The following PHACTR3 variants were observed in gnomAD, a reference collection of about 807,000 sequenced individuals.
PHACTR3 encodes the protein protein phosphatase 1, regulatory subunit 123.
In PHACTR3, 16 loss-of-function variants were observed where a neutral mutation model predicts 66.8. The ratio of observed to expected loss-of-function variants is 0.24; its 90% CI spans 0.16 to 0.36. The LOEUF (loss-of-function observed/expected upper bound fraction) is 0.36, where lower values mean the gene tolerates loss of function less well. Among genes scored for constraint, PHACTR3 ranks in the 10% least tolerant of loss-of-function variants. PHACTR3 has a pLI of 1.00. For synonymous variants in PHACTR3, 323 were observed against 292.1 expected (o/e 1.11, Z -1.08); for missense variants, 647 against 719.9 (o/e 0.90, Z 1.16).
chr20:59,626,879 C>G (rs1004562050), intron 1 of PHACTR3: 3 of 152,222 alleles, frequency 2.0e-5, no homozygotes, highest in African/African-American at 7.2e-5. Flanking sequence ...TGGCTTCAAT[C>G]AACCAGCATG....
At chr20:59,818,513 CAT>C (rs1010980095) in intron 8 of PHACTR3, among the ~76,000 whole-genome samples, 2 of 152,204 alleles carry the variant, frequency 1.3e-5, no homozygotes, top group African/African-American at 2.4e-5. Flanking sequence ...CCAACATACT[CAT>C]AGAGTTGTAT....
rs566452544 is a variant in PHACTR3 at position 59,608,331 on chromosome 20, C to T, written c.118+3199C>T. ...TTCACCACTGCTTCGTTAATGGGCC[C>T]GTCTGTATCTACACAATGTGCCTCT... On this transcript the variant is annotated intron_variant, in intron 1 of 12. Transcript: ENST00000371015. 2.6e-5 allele frequency among the ~76,000 whole-genome samples: 4 copies of T among 152,312 alleles called. No homozygotes were observed. In the South Asian group the frequency reaches 6.2e-4, roughly 24 times the overall value.
At chr20:59,626,842 G>A (rs1240125066) in intron 1 of PHACTR3, 1 of 152,182 alleles carries the variant, frequency 6.6e-6, no homozygotes, top group African/African-American at 2.4e-5. Flanking sequence ...CAATTCCTTG[G>A]ACCAGCTCTG....
intron 4 of PHACTR3, among the ~76,000 whole-genome samples, chr20:59,766,423 G>A (rs1383792916): frequency 2.0e-5 from 3 of 152,172 alleles, no homozygotes; most frequent in Admixed American, 6.5e-5. Flanking sequence ...CTGTTGGTCC[G>A]ATTGTTGTTG....
chr20:59,721,099 C>T (rs766056343), intron 1 of PHACTR3: 4 of 152,240 alleles, frequency 2.6e-5, no homozygotes, highest in Non-Finnish European at 4.4e-5. Flanking sequence ...TTAATTCTTA[C>T]AGCCACTATT....
chr20:59,708,734 G>A (rs1341039031), intron 1 of PHACTR3, among the ~76,000 whole-genome samples: 1 of 152,122 alleles, frequency 6.6e-6, no homozygotes, highest in Admixed American at 6.5e-5. Flanking sequence ...TTTGGACATG[G>A]CTCTTCTTTA....
chr20:59,780,601 T>C (rs577741587), intron 7 of PHACTR3, among the ~76,000 whole-genome samples: 1 of 152,146 alleles, frequency 6.6e-6, no homozygotes, highest in South Asian at 2.1e-4. Flanking sequence ...TACCATCACA[T>C]TGGGGTTAGG....
At chr20:59,623,184 C>T (rs553671463) in intron 1 of PHACTR3, among the ~76,000 whole-genome samples, 25 of 151,900 alleles carry the variant, frequency 1.6e-4, no homozygotes, top group Admixed American at 3.3e-4. Flanking sequence ...AGAACGCGCG[C>T]ATGTTGAAAA....
At position 59,597,599 on chromosome 20, in the gene PHACTR3, G is replaced by A. The variant is rs574926801; in HGVS notation, c.109+19982G>A. On this transcript the variant is annotated intron_variant, in intron 1 of 12. Coordinates refer to the PHACTR3 transcript ENST00000359926. ...CCTGATTTGGGTAGTTTCAGCCTTA[G>A]CCATGGCAATCATTGTAAAGTTTTT... Among the ~76,000 whole-genome samples, 9 of 152,334 alleles carry A rather than the reference G, an allele frequency of 5.9e-5. No individual in the cohort carries two copies. The South Asian group carries it at 1.7e-3, about 28-fold the overall frequency.
chr20:59,766,219 A>G (rs957148586), intron 4 of PHACTR3, among the ~76,000 whole-genome samples: 3 of 152,218 alleles, frequency 2.0e-5, no homozygotes, highest in Non-Finnish European at 2.9e-5. Context: ...TTGAGCAGTC[A>G]TGCAGAGCAC....
rs573692219 is a variant in PHACTR3, at chr20:59,651,045, G to T, written c.118+45913G>T. On this transcript the variant is annotated intron_variant, in intron 1 of 12. Coordinates refer to ENST00000371015, the MANE Select transcript of PHACTR3 (RefSeq NM_080672.5). Reference sequence around the variant, plus strand: ...TTGAATGCATGAATGTTGTGTGTGTGTGTGTTGAAACTGTTAAAAAAAAAT... The same window carrying T: ...TTGAATGCATGAATGTTGTGTGTGTTTGTGTTGAAACTGTTAAAAAAAAAT... Among the ~76,000 whole-genome samples the T allele has an allele frequency of 2.5e-3, 379 of 152,204 alleles. 3 individuals are homozygous for T. Among genetic ancestry groups the T allele is most frequent in the Non-Finnish European group, 3.9e-3 (266 of 68,022 alleles).
chr20:59,767,705 A>T (rs2040227451), intron 5 of PHACTR3, among the ~76,000 whole-genome samples: 1 of 152,022 alleles, frequency 6.6e-6, no homozygotes, highest in African/African-American at 2.4e-5. Flanking sequence ...CAAAGGGGGG[A>T]TCTTCCAGGA....
intron 1 of PHACTR3, among the ~76,000 whole-genome samples, chr20:59,607,811 CA>C (rs996288375): frequency 3.9e-5 from 6 of 152,180 alleles, no homozygotes; most frequent in Non-Finnish European, 4.4e-5. Flanking sequence ...TCCCTTTTAA[CA>C]CCCACACAGG....
At chr20:59,819,985 G>A (rs1369262914) in intron 8 of PHACTR3, among the ~76,000 whole-genome samples, 1 of 151,948 alleles carries the variant, frequency 6.6e-6, no homozygotes, top group Non-Finnish European at 1.5e-5. Context: ...TCCTTTTTTT[G>A]ATGCTGCAGA....
intron 1 of PHACTR3, among the ~76,000 whole-genome samples, chr20:59,616,767 T>C (rs2034040017): frequency 6.6e-6 from 1 of 152,230 alleles, no homozygotes; most frequent in Admixed American, 6.5e-5. Context: ...TGGTTAGTTC[T>C]TTCCCCTAAT....
At chr20:59,629,022 C>A (rs773623851) in intron 1 of PHACTR3, among the ~76,000 whole-genome samples, 3 of 152,210 alleles carry the variant, frequency 2.0e-5, no homozygotes, top group Non-Finnish European at 2.9e-5. Context: ...TTAGCGAATT[C>A]CACCAGGTTT....
At chr20:59,688,532 T>C (rs1423817478) in intron 1 of PHACTR3, among the ~76,000 whole-genome samples, 1 of 152,212 alleles carries the variant, frequency 6.6e-6, no homozygotes, top group African/African-American at 2.4e-5. Flanking sequence ...CTCTCTTCAC[T>C]GGAGTTGCTA....
intron 4 of PHACTR3, 134 bp from the exon 5 acceptor site, chr20:59,767,052 A>C: frequency 1.3e-6 from 1 of 764,002 alleles, no homozygotes; most frequent in Admixed American, 2.6e-5. Context: ...GCAGGAAGTC[A>C]AGTGCCTGTG....
chr20:59,808,738 T>C (rs2041643370), intron 8 of PHACTR3, among the ~76,000 whole-genome samples: 1 of 152,152 alleles, frequency 6.6e-6, no homozygotes, highest in Non-Finnish European at 1.5e-5. Context: ...AGAATCTGCA[T>C]TTCTAGCAAG....
Sources: gnomAD v4.1 joint callset for allele counts (sites outside exome capture counted in the v4.1 genomes callset) on GRCh38, gnomAD v4.1.1 for gene constraint, MANE v1.5 for transcripts, NCBI Gene and HGNC (gene_info 2026-07-23, HGNC 2026-07-21) for gene names.